Variants in FASN observed in about 807,000 individuals in gnomAD.
FASN encodes 3-hydroxyacyl-[acyl-carrier-protein] dehydratase.
Under a neutral mutation model 250.0 loss-of-function variants are expected in FASN, and 50 were observed. The ratio of observed to expected loss-of-function variants is 0.20; its 90% confidence interval spans 0.16 to 0.25. The LOEUF is 0.25. Among genes scored for constraint, FASN ranks in the 10% least tolerant of loss-of-function variants. FASN has a pLI of 1.00. For missense variants in FASN, 3,031 were observed against 3,498.5 expected (o/e 0.87, Z 3.37); for synonymous variants, 1,909 against 1,584.0 (o/e 1.21, Z -4.87).
intron 41 of FASN, 143 bp downstream of exon 41, chr17:82,079,997 C>T (rs1161019670): frequency 1.5e-5 from 14 of 927,900 alleles, no homozygotes; most frequent in Admixed American, 7.9e-5. Context: ...CATGAGCAAC[C>T]GCATCCGGCC....
intron 17 of FASN, 30 bp downstream of exon 17, chr17:82,088,086 C>A (rs201688386): frequency 1.2e-6 from 2 of 1,612,722 alleles, no homozygotes; most frequent in African/African-American, 1.3e-5. Context: ...CCCCCAGCTA[C>A]CCCCGCCTTG....
intron 8 of FASN, 56 bp from the exon 9 acceptor site, chr17:82,091,740 G>A (rs1174273903): frequency 6.9e-7 from 1 of 1,454,460 alleles, no homozygotes; most frequent in African/African-American, 1.4e-5. Context: ...CACTGCCTGA[G>A]CTGGGGGCAG....
chr17:82,087,652 G>C, intron 19 of FASN, 33 bp downstream of exon 19: 3 of 1,608,098 alleles, frequency 1.9e-6, no homozygotes, highest in Non-Finnish European at 2.5e-6. Flanking sequence ...CGCCCTCCCC[G>C]GTGGCTTGGG....
At position 82,083,645 on chromosome 17, in the gene FASN, G is replaced by A; in HGVS notation, c.5219-6C>T. On this transcript the variant is annotated splice_polypyrimidine_tract_variant and splice_region_variant and intron_variant, in intron 30 of 42. Transcript: ENST00000306749. ...GTTCAAGACCAGGTCAACGCCTAGG[G>A]GGCCAGAGGGGCCAGACAATCACAC... is the stretch of plus-strand genomic sequence containing the variant. 1.9e-6 allele frequency: 3 copies of A among 1,604,204 alleles called. No homozygotes were observed. Among genetic ancestry groups the A allele is most frequent in the Non-Finnish European group, 1.7e-6 (2 of 1,176,482 alleles).
Position 82,084,587 on chromosome 17 carries a change from G to T in FASN, c.4694C>A (p.Thr1565Lys), listed in dbSNP as rs1294023345. Reference protein sequence around the residue: ...QPTCPGAQLCTVYYASLNFRD... With the variant: ...QPTCPGAQLCKVYYASLNFRD... ...GAAGTTGAGGGAGGCGTAGTAGACCGTGCAGAGCTGGGCGCCAGGGCAGGT... is the reference window on the plus strand; with the variant it reads ...GAAGTTGAGGGAGGCGTAGTAGACCTTGCAGAGCTGGGCGCCAGGGCAGGT... The change falls in exon 27 of 43, where the codon ACG (threonine) becomes AAG (lysine). Residue 1565 changes from threonine (T) to lysine (K), a missense_variant. By Grantham distance (78) the Thr-to-Lys change is moderately conservative. Coordinates refer to ENST00000306749, the MANE Select transcript of FASN (RefSeq NM_004104.5). 5 of 1,610,762 alleles carry T rather than the reference G, an allele frequency of 3.1e-6. No individual in the cohort carries two copies. Among genetic ancestry groups the T allele is most frequent in the Non-Finnish European group, 4.2e-6 (5 of 1,179,192 alleles).
In FASN at chr17:82,087,417, T is replaced by C; in HGVS notation, c.3131A>G (p.His1044Arg). 6.2e-7 allele frequency: 1 copy of C among 1,612,658 alleles called. No individual in the cohort carries two copies. The highest frequency in any genetic ancestry group is 8.5e-7 in the Non-Finnish European group (1 of 1,179,970). The change falls in exon 20 of 43, where the codon CAC (histidine) becomes CGC (arginine). Residue 1044 changes from histidine to arginine, a missense_variant. By Grantham distance (29) the His-to-Arg change is conservative. Coordinates refer to ENST00000306749, the MANE Select transcript of FASN (RefSeq NM_004104.5). ...LQMSILGSAK[H>R]GLYLPTRVTA... ...GACACGGGTGGGCAGGTACAGGCCG[T>C]GCTTGGCCGAGCCCAGGATGGACAT... is the stretch of plus-strand genomic sequence containing the variant.
rs191483572 is a variant in FASN, at chr17:82,084,755, G to A, written c.4565-39C>T. ...GAGGTGGGGCTGCTGCGGGGCCTTC[G>A]GGTGCAGTCTCCCGGGAGGGGCAGG... On this transcript the variant is annotated intron_variant, in intron 26 of 42. Transcript: ENST00000306749. 2.0e-4 allele frequency: 313 copies of A among 1,550,178 alleles called. 2 individuals are homozygous for A. In the East Asian group the frequency reaches 2.9e-3, roughly 15 times the overall value.
Position 82,087,509 on chromosome 17 carries a change from A to G in FASN, c.3044-5T>C. The G allele has an allele frequency of 1.9e-6, 3 of 1,612,038 alleles. No individual in the cohort carries two copies. The South Asian group carries it at 3.3e-5, about 18-fold the overall frequency. ...ACAGCAGCCTCCCCGAGTCACCTGC[A>G]CACAGGGCCTGGTTGGTGCTGTGGA... is the stretch of plus-strand genomic sequence containing the variant. On this transcript the variant is annotated splice_polypyrimidine_tract_variant and splice_region_variant and intron_variant, in intron 19 of 42. Coordinates refer to ENST00000306749, the MANE Select transcript of FASN (RefSeq NM_004104.5).
chr17:82,090,928 G>A lies in FASN; in HGVS notation c.1634C>T (p.Thr545Ile), dbSNP rs769329550. ...SQLLLSTDES[T>I]FDDIVHSFVS... is the part of the protein sequence containing the mutation. ...AAACGAATGGACGATGTCATCAAAGGTGCTCTCGTCTGTGCTCAGCAGCAG... is the reference window on the plus strand; with the variant it reads ...AAACGAATGGACGATGTCATCAAAGATGCTCTCGTCTGTGCTCAGCAGCAG... Residue 545 changes from threonine to isoleucine, a missense_variant, in exon 10 of 43, where the codon ACC becomes ATC. Coordinates refer to ENST00000306749, the MANE Select transcript of FASN (RefSeq NM_004104.5). 2.5e-6 allele frequency: 4 copies of A among 1,611,196 alleles called. No individual in the cohort carries two copies. The highest frequency in any genetic ancestry group is 1.1e-5 in the South Asian group (1 of 90,760).
At chr17:82,094,084 G>A in intron 3 of FASN, 1 of 482,706 alleles carries the variant, frequency 2.1e-6, no homozygotes, top group East Asian at 4.0e-5. Context: ...GCTCCAGGAA[G>A]GACAGAGGGC....
intron 2 of FASN, among the ~76,000 whole-genome samples, chr17:82,095,729 C>T (rs904859240): frequency 1.3e-5 from 2 of 152,208 alleles, no homozygotes; most frequent in Non-Finnish European, 2.9e-5. Flanking sequence ...GCAGAGAGCT[C>T]GGCGGGAGTG....
intron 11 of FASN, among the ~76,000 whole-genome samples, chr17:82,090,046 C>T (rs994620371): frequency 1.3e-5 from 2 of 152,218 alleles, no homozygotes; most frequent in East Asian, 1.9e-4. Flanking sequence ...CAACAGAGGG[C>T]ACCAGTCTGA....
chr17:82,079,016 G>T lies in FASN; in HGVS notation c.*127C>A, dbSNP rs1157914396. The T allele has an allele frequency of 5.3e-6, 6 of 1,132,658 alleles. No homozygotes were observed. The highest frequency in any genetic ancestry group is 7.6e-6 in the Non-Finnish European group (6 of 792,180). The allele number at this position is 1,132,658 out of a possible 1,614,324, so 70.2% of individuals were successfully genotyped here. A position where few individuals can be genotyped will look rare whatever the true frequency, so the allele number is the denominator to read the frequency against. On this transcript the variant is annotated 3_prime_UTR_variant, in exon 43 of 43. Coordinates refer to ENST00000306749, the MANE Select transcript of FASN (RefSeq NM_004104.5). ...TAACACCTACATCTAGCAGCCTCGG[G>T]GGGCAGTGGCACTGGGCCGGACAGG... is the stretch of plus-strand genomic sequence containing the variant.
In FASN at chr17:82,088,200, G is replaced by C; in HGVS notation, c.2701C>G (p.Arg901Gly). Reference protein sequence around the residue: ...YLSIVWKTLARALGLGVEQLP... With the variant: ...YLSIVWKTLAGALGLGVEQLP... ...TGCTCGACGCCCAGGCCCAGGGCGC[G>C]GGCCAGCGTCTTCCACACTATGCTC... The change falls in exon 17 of 43, where the codon CGC (arginine) becomes GGC (glycine). Residue 901 changes from arginine (R) to glycine (G), a missense_variant. Arg to Gly is a moderately radical substitution (Grantham distance 125). Coordinates refer to ENST00000306749, the MANE Select transcript of FASN (RefSeq NM_004104.5). 2 of 1,612,138 alleles carry C rather than the reference G, an allele frequency of 1.2e-6. No homozygotes were observed. The highest frequency in any genetic ancestry group is 8.5e-7 in the Non-Finnish European group (1 of 1,179,956).
At chr17:82,082,740 G>C in intron 33 of FASN, 62 bp from the exon 34 acceptor site, 1 of 1,589,584 alleles carries the variant, frequency 6.3e-7, no homozygotes, top group African/African-American at 1.3e-5. Context: ...CTACACGCCG[G>C]GCTGGGGAAG....
chr17:82,089,592 CG>C, intron 12 of FASN, 39 bp downstream of exon 12: 1 of 1,559,606 alleles, frequency 6.4e-7, no homozygotes, highest in Non-Finnish European at 8.7e-7. Flanking sequence ...CAATGGCAGG[CG>C]CAGGGGACAG....
At chr17:82,090,283 CG>C in intron 11 of FASN, 91 bp downstream of exon 11, 1 of 1,327,052 alleles carries the variant, frequency 7.5e-7, no homozygotes, top group African/African-American at 1.5e-5. Flanking sequence ...CTCTATCCTA[CG>C]GGGGCCAGGC....
At chr17:82,081,562 G>A (rs1424353797) in intron 37 of FASN, 39 bp downstream of exon 37, 4 of 1,609,334 alleles carry the variant, frequency 2.5e-6, no homozygotes, top group Middle Eastern at 1.7e-4. Context: ...GATGCCAGCA[G>A]GGGAAACACC....
At chr17:82,095,054 C>T (rs961594104) in intron 3 of FASN, among the ~76,000 whole-genome samples, 7 of 152,308 alleles carry the variant, frequency 4.6e-5, no homozygotes, top group Middle Eastern at 3.4e-3. Context: ...CCGGCCCCGG[C>T]CCCAGCACCA....
Sources: gnomAD v4.1 joint callset for allele counts (sites outside exome capture counted in the v4.1 genomes callset) on GRCh38, gnomAD v4.1.1 for gene constraint, MANE v1.5 for transcripts, NCBI Gene and HGNC (gene_info 2026-07-23, HGNC 2026-07-21) for gene names.